CD44: variants seen among roughly 807,000 people sequenced by gnomAD.
CD44 encodes CD44 antigen.
In CD44, 49 loss-of-function variants were observed where a neutral mutation model predicts 88.8. That is an observed-to-expected ratio of 0.55 (90% CI 0.44 to 0.70). CD44 has a LOEUF of 0.70. Among genes scored for constraint, CD44 ranks in the 30% least tolerant of loss-of-function variants. CD44 has a pLI of 0.00. For synonymous variants in CD44, 325 were observed against 312.3 expected (o/e 1.04, Z -0.43); for missense variants, 883 against 913.8 (o/e 0.97, Z 0.43).
At chr11:35,180,468 T>C (rs2133720996) in intron 3 of CD44, 61 bp downstream of exon 3, 1 of 1,586,142 alleles carries the variant, frequency 6.3e-7, no homozygotes, top group South Asian at 1.1e-5. Context: ...TCTTTGGAGC[T>C]CAGCTTAAGT....
intron 1 of CD44, among the ~76,000 whole-genome samples, chr11:35,156,049 G>T (rs1453164017): frequency 2.0e-5 from 3 of 152,174 alleles, no homozygotes; most frequent in African/African-American, 7.2e-5. Context: ...CAGAGCTGAT[G>T]TCCATGTCAC....
chr11:35,141,719 G>A (rs1202223810), intron 1 of CD44, among the ~76,000 whole-genome samples: 1 of 152,190 alleles, frequency 6.6e-6, no homozygotes, highest in Non-Finnish European at 1.5e-5. Flanking sequence ...ATCATTTAGA[G>A]GAAGTACAAT....
At chr11:35,170,826 T>C (rs373991316) in intron 1 of CD44, among the ~76,000 whole-genome samples, 1 of 152,356 alleles carries the variant, frequency 6.6e-6, no homozygotes, top group East Asian at 1.9e-4. Context: ...GTTTGCAGCA[T>C]GGCTAGCACC....
At chr11:35,207,028 C>T (rs1449144545) in intron 11 of CD44, among the ~76,000 whole-genome samples, 1 of 152,202 alleles carries the variant, frequency 6.6e-6, no homozygotes, top group Non-Finnish European at 1.5e-5. Flanking sequence ...TATGATGACT[C>T]TTGAAGGACT....
At chr11:35,206,669 T>C (rs4141969) in intron 11 of CD44, among the ~76,000 whole-genome samples, 6,340 of 146,172 alleles carry the variant, frequency 0.043, 490 homozygotes, top group African/African-American at 0.15. Flanking sequence ...TGGGGGTTGG[T>C]GGGGGGGGCA....
chr11:35,170,927 A>T (rs1943803001), intron 1 of CD44, among the ~76,000 whole-genome samples: 1 of 152,116 alleles, frequency 6.6e-6, no homozygotes, highest in African/African-American at 2.4e-5. Flanking sequence ...CTTCATTGTG[A>T]GTTTGGGCAT....
At chr11:35,172,271 C>T (rs1441922286) in intron 1 of CD44, among the ~76,000 whole-genome samples, 1 of 152,156 alleles carries the variant, frequency 6.6e-6, no homozygotes, top group Admixed American at 6.5e-5. Context: ...TGTTTCATCT[C>T]CTGTTATAAT....
At chr11:35,149,357 G>A (rs868124430) in intron 1 of CD44, among the ~76,000 whole-genome samples, 9 of 152,288 alleles carry the variant, frequency 5.9e-5, no homozygotes, top group Middle Eastern at 6.8e-3. Flanking sequence ...TCATTTAGAA[G>A]GTATAAAGGC....
chr11:35,176,014 G>T (rs1431105266), intron 1 of CD44, among the ~76,000 whole-genome samples: 2 of 148,372 alleles, frequency 1.3e-5, no homozygotes, highest in African/African-American at 5.0e-5. Flanking sequence ...ACAGGCATGT[G>T]CCACCACACC....
chr11:35,169,026 A>G (rs1303352320), intron 1 of CD44, among the ~76,000 whole-genome samples: 2 of 152,234 alleles, frequency 1.3e-5, no homozygotes, highest in Non-Finnish European at 2.9e-5. Flanking sequence ...AAGACATTTT[A>G]AGTATCCAAT....
chr11:35,225,799 G>T (rs558036085), intron 17 of CD44, among the ~76,000 whole-genome samples: 39 of 152,238 alleles, frequency 2.6e-4, no homozygotes, highest in Non-Finnish European at 5.1e-4. Flanking sequence ...CCTGGTTGAT[G>T]AAGTGAGACT....
Position 35,181,781 on chromosome 11 carries a change from T to G in CD44, c.367+1374T>G, listed in dbSNP as rs1277578601. On this transcript the variant is annotated intron_variant, in intron 3 of 17. Coordinates refer to ENST00000428726, the MANE Select transcript of CD44 (RefSeq NM_000610.4). ...TTATATTTATATATTTATATTTATT[T>G]ATATAAATTTATATATAAATTATAT... 1.4e-4 allele frequency among the ~76,000 whole-genome samples: 14 copies of G among 101,464 alleles called. No individual in the cohort carries two copies. In the Admixed American group the frequency reaches 1.7e-3, roughly 13 times the overall value. 66.6% of individuals were successfully genotyped at this position (101,464 alleles called of 152,430 possible).
rs532466174 is a variant in CD44 at position 35,173,651 on chromosome 11, T to G, written c.68-2924T>G. Among the ~76,000 whole-genome samples, 4 of 152,246 alleles carry G rather than the reference T, an allele frequency of 2.6e-5. No homozygotes were observed. In the South Asian group the frequency reaches 8.3e-4, roughly 32 times the overall value. On this transcript the variant is annotated intron_variant, in intron 1 of 17. Transcript: ENST00000428726. ...ATTTCTTGTTTCTTCTTTTACTATT[T>G]TCAGAATCAAGGAAGATAATACAGA...
At chr11:35,208,605 G>T (rs1315150798) in intron 12 of CD44, among the ~76,000 whole-genome samples, 3 of 152,110 alleles carry the variant, frequency 2.0e-5, no homozygotes, top group Non-Finnish European at 2.9e-5. Flanking sequence ...TTGCATGGTT[G>T]TAAAAAGACA....
chr11:35,217,932 A>T (rs990785138), intron 15 of CD44, among the ~76,000 whole-genome samples: 16 of 152,182 alleles, frequency 1.1e-4, no homozygotes, highest in South Asian at 4.2e-4. Context: ...TTTCTTTTTT[A>T]AAAAAATTGT....
intron 1 of CD44, among the ~76,000 whole-genome samples, chr11:35,166,364 G>A (rs1326169979): frequency 1.3e-5 from 2 of 151,888 alleles, no homozygotes; most frequent in African/African-American, 4.9e-5. Context: ...TTGCCAGAAA[G>A]ACTCTGTTGG....
At chr11:35,188,438 A>G (rs751158554) in intron 4 of CD44, among the ~76,000 whole-genome samples, 9 of 152,198 alleles carry the variant, frequency 5.9e-5, no homozygotes, top group Non-Finnish European at 8.8e-5. Flanking sequence ...TATTCAGGAA[A>G]TTTGTAAAAG....
intron 15 of CD44, among the ~76,000 whole-genome samples, chr11:35,218,540 G>T (rs999910713): frequency 6.6e-6 from 1 of 151,386 alleles, no homozygotes; most frequent in African/African-American, 2.4e-5. Flanking sequence ...TGTTGACTAG[G>T]TTGATCTCAA....
At chr11:35,140,570 C>G (rs146057705) in intron 1 of CD44, among the ~76,000 whole-genome samples, 18 of 152,268 alleles carry the variant, frequency 1.2e-4, no homozygotes, top group African/African-American at 3.6e-4. Context: ...TTCCTACTTT[C>G]TGCAGTAGGA....
Sources: allele counts gnomAD v4.1 joint callset (sites outside exome capture counted in the v4.1 genomes callset), GRCh38; gene constraint gnomAD v4.1.1; transcripts MANE v1.5; gene names NCBI Gene and HGNC (gene_info 2026-07-23, HGNC 2026-07-21).